The following DNAJC6 variants were observed in gnomAD, a reference collection of about 807,000 sequenced individuals.
The protein encoded by DNAJC6 is auxilin.
Under a neutral mutation model 110.0 loss-of-function variants are expected in DNAJC6, and 34 were observed. That is an observed-to-expected ratio of 0.31 (90% CI 0.24 to 0.41). DNAJC6 has a LOEUF of 0.41. Among genes scored for constraint, DNAJC6 ranks in the 10% least tolerant of loss-of-function variants. The pLI is 1.00. For synonymous variants in DNAJC6, 406 were observed against 437.2 expected (o/e 0.93, Z 0.89); for missense variants, 1,031 against 1,207.8 (o/e 0.85, Z 2.17).
chr1:65,299,348 A>G (rs886908201), intron 1 of DNAJC6, among the ~76,000 whole-genome samples: 7 of 152,210 alleles, frequency 4.6e-5, no homozygotes, highest in Non-Finnish European at 1.0e-4. Context: ...TATTGAGATC[A>G]TGCAAGTAGA....
chr1:65,330,538 G>A (rs1444692570), intron 1 of DNAJC6, among the ~76,000 whole-genome samples: 1 of 151,728 alleles, frequency 6.6e-6, no homozygotes, highest in African/African-American at 2.4e-5. Flanking sequence ...GCCCAATTTC[G>A]GCTCACCGCA....
rs72917330 is a variant in DNAJC6, at chr1:65,347,741, A to G, written c.194-16894A>G. On this transcript the variant is annotated intron_variant, in intron 1 of 18. Transcript: ENST00000371069. ...CACACACACATGCATGTGCACACAC[A>G]CACACGTGCACACATACACACACAC... is the stretch of plus-strand genomic sequence containing the variant. 9.4e-3 allele frequency among the ~76,000 whole-genome samples: 1,434 copies of G among 151,996 alleles called. 26 individuals carry two copies. The highest frequency in any genetic ancestry group is 0.033 in the African/African-American group (1,353 of 41,440).
intron 12 of DNAJC6, among the ~76,000 whole-genome samples, chr1:65,393,316 G>A (rs1228527881): frequency 1.3e-5 from 2 of 152,172 alleles, no homozygotes; most frequent in African/African-American, 2.4e-5. Flanking sequence ...GGAAATGGAA[G>A]CATAGAATTA....
chr1:65,402,162 A>G (rs767330974), intron 15 of DNAJC6, among the ~76,000 whole-genome samples: 8 of 152,236 alleles, frequency 5.3e-5, no homozygotes, highest in Non-Finnish European at 1.0e-4. Context: ...ATGGCAACAG[A>G]GTTTGGCTGC....
chr1:65,365,754 G>C, intron 2 of DNAJC6, 131 bp from the exon 3 acceptor site: 2 of 947,906 alleles, frequency 2.1e-6, no homozygotes, highest in South Asian at 3.3e-5. Context: ...TTGGAGAGAA[G>C]GGCTGGAGGG....
intron 16 of DNAJC6, among the ~76,000 whole-genome samples, chr1:65,406,976 C>T (rs1467122560): frequency 1.3e-5 from 2 of 152,154 alleles, no homozygotes; most frequent in African/African-American, 4.8e-5. Context: ...AGGTGCTATC[C>T]TAAGCATTTT....
intron 1 of DNAJC6, among the ~76,000 whole-genome samples, chr1:65,343,989 G>A (rs536380610): frequency 1.3e-5 from 2 of 152,162 alleles, no homozygotes; most frequent in Non-Finnish European, 2.9e-5. Context: ...GGTATTATCT[G>A]TGGTTTCAGA....
rs1479180230 is a variant in DNAJC6, at chr1:65,264,869, C to T, written c.-194C>T. 1.9e-6 allele frequency: 3 copies of T among 1,611,954 alleles called. No homozygotes were observed. The Admixed American group carries it at 5.0e-5, about 27-fold the overall frequency. On this transcript the variant is annotated 5_prime_UTR_variant, in exon 1 of 20. Transcript: ENST00000263441. ...CAAAAGTCAGGGTTGCAGAATCAGC[C>T]GGACTTTCCTGCTCATTTGCAGCAG... is the stretch of plus-strand genomic sequence containing the variant.
chr1:65,311,933 G>C (rs570706724), intron 1 of DNAJC6, among the ~76,000 whole-genome samples: 34 of 152,228 alleles, frequency 2.2e-4, no homozygotes, highest in South Asian at 8.3e-4. Flanking sequence ...GATCCTTCTG[G>C]CCTCTAGGGG....
chr1:65,407,021 AT>A (rs1316271619), intron 16 of DNAJC6, among the ~76,000 whole-genome samples: 1 of 152,138 alleles, frequency 6.6e-6, no homozygotes, highest in Non-Finnish European at 1.5e-5. Flanking sequence ...TTGTGGTTTT[AT>A]TTGCAGTTTC....
At chr1:65,267,432 G>A (rs1483026841) in intron 1 of DNAJC6, among the ~76,000 whole-genome samples, 1 of 152,282 alleles carries the variant, frequency 6.6e-6, no homozygotes, top group East Asian at 1.9e-4. Flanking sequence ...ATTTTAGATC[G>A]ATGAAATAGA....
intron 4 of DNAJC6, among the ~76,000 whole-genome samples, 171 bp downstream of exon 4, chr1:65,366,367 T>C (rs1443732901): frequency 6.6e-6 from 1 of 152,182 alleles, no homozygotes; most frequent in African/African-American, 2.4e-5. Context: ...ATCCTAAAGA[T>C]TTTCCTTGGG....
At chr1:65,342,227 G>A (rs1326340492) in intron 1 of DNAJC6, among the ~76,000 whole-genome samples, 1 of 152,120 alleles carries the variant, frequency 6.6e-6, no homozygotes, top group Non-Finnish European at 1.5e-5. Flanking sequence ...AAATTTTTGT[G>A]TTGGGTCCTG....
chr1:65,272,625 A>G (rs923326478), intron 1 of DNAJC6, among the ~76,000 whole-genome samples: 2 of 152,246 alleles, frequency 1.3e-5, no homozygotes, highest in Non-Finnish European at 2.9e-5. Context: ...AATGTCTGGA[A>G]GAATTCACTG....
intron 1 of DNAJC6, among the ~76,000 whole-genome samples, chr1:65,332,344 T>C (rs1039906229): frequency 6.6e-6 from 1 of 152,142 alleles, no homozygotes; most frequent in Non-Finnish European, 1.5e-5. Flanking sequence ...GGCACCTTTC[T>C]GGAGGATGAA....
chr1:65,408,913 C>A, intron 17 of DNAJC6, 130 bp downstream of exon 17: 1 of 1,109,874 alleles, frequency 9.0e-7, no homozygotes, highest in Non-Finnish European at 1.2e-6. Flanking sequence ...TAACAAAATA[C>A]CATAAACTAG....
At chr1:65,275,199 T>A (rs1217822694) in intron 1 of DNAJC6, among the ~76,000 whole-genome samples, 1 of 152,226 alleles carries the variant, frequency 6.6e-6, no homozygotes, top group Admixed American at 6.5e-5. Flanking sequence ...TTTTTGTGTA[T>A]TCCCTCTGGG....
intron 1 of DNAJC6, among the ~76,000 whole-genome samples, chr1:65,311,514 C>T (rs530877275): frequency 6.6e-6 from 1 of 151,806 alleles, no homozygotes; most frequent in African/African-American, 2.4e-5. Context: ...CATGAGCCAC[C>T]GCGCCCAGGC....
At chr1:65,297,755 G>T (rs1418902837) in intron 1 of DNAJC6, among the ~76,000 whole-genome samples, 1 of 152,192 alleles carries the variant, frequency 6.6e-6, no homozygotes, top group South Asian at 2.1e-4. Flanking sequence ...AGGTTTAGGA[G>T]TCCTGTAGCC....
Sources: allele counts gnomAD v4.1 joint callset (sites outside exome capture counted in the v4.1 genomes callset), GRCh38; gene constraint gnomAD v4.1.1; transcripts MANE v1.5; gene names NCBI Gene and HGNC (gene_info 2026-07-23, HGNC 2026-07-21).